FSIP2: variants seen among roughly 807,000 people sequenced by gnomAD.
FSIP2 encodes fibrous sheath interacting protein 2.
FSIP2 carries 367 observed loss-of-function variants against 510.5 expected under a neutral mutation model. The ratio of observed to expected loss-of-function variants is 0.72; its 90% confidence interval spans 0.66 to 0.78. The LOEUF is 0.78. Ranked by LOEUF, FSIP2 falls within the 30% of genes least tolerant of loss-of-function variation. The pLI, the probability that FSIP2 is intolerant of heterozygous loss-of-function variation, is 0.00. For missense variants in FSIP2, 7,594 were observed against 7,901.7 expected, an observed-to-expected ratio of 0.96 and a Z score of 1.48; for synonymous variants, 2,601 against 2,732.2, an observed-to-expected ratio of 0.95 and a Z score of 1.50.
chr2:185,741,077 C>T (rs1026987151), intron 2 of FSIP2, among the ~76,000 whole-genome samples: 16 of 152,140 alleles, frequency 1.1e-4, no homozygotes, highest in African/African-American at 3.1e-4. Flanking sequence ...TTTGCAAAAA[C>T]GTGCTTGAAA....
intron 20 of FSIP2, among the ~76,000 whole-genome samples, chr2:185,827,383 G>A (rs1694032435): frequency 6.6e-6 from 1 of 151,714 alleles, no homozygotes. Context: ...TTGAGAAATA[G>A]CCAAGGAAGA....
At chr2:185,781,196 A>G (rs1378810176) in intron 13 of FSIP2, among the ~76,000 whole-genome samples, 1 of 152,164 alleles carries the variant, frequency 6.6e-6, no homozygotes, top group Non-Finnish European at 1.5e-5. Context: ...AACATTCAAT[A>G]GACACTGTAT....
At position 185,802,801 on chromosome 2, in the gene FSIP2, A is replaced by G. The variant is rs1336073476; in HGVS notation, c.13495A>G (p.Arg4499Gly). Reference sequence around the variant, plus strand: ...CAGAGACACCCAAAAAGATATATCAAGAGTGAATTTCAATGACATTGCTTC... The same window carrying G: ...CAGAGACACCCAAAAAGATATATCAGGAGTGAATTTCAATGACATTGCTTC... ...LNRDTQKDISRVNFNDIASNL... is the reference protein window; with the variant it reads ...LNRDTQKDISGVNFNDIASNL... The change falls in exon 17 of 23, where the codon AGA (arginine) becomes GGA (glycine). Residue 4499 changes from arginine (R) to glycine (G), a missense_variant. Transcript: ENST00000424728. 4.6e-6 allele frequency: 7 copies of G among 1,521,100 alleles called. No individual in the cohort carries two copies. The East Asian group carries it at 7.4e-5, about 16-fold the overall frequency. The allele number at this position is 1,521,100 out of a possible 1,614,324, so 94.2% of individuals were successfully genotyped here.
chr2:185,770,131 G>T (rs1174729145), intron 13 of FSIP2, among the ~76,000 whole-genome samples: 1 of 152,102 alleles, frequency 6.6e-6, no homozygotes, highest in African/African-American at 2.4e-5. Flanking sequence ...AGTTTGATAG[G>T]AATGGCATTG....
chr2:185,782,633 C>A, intron 13 of FSIP2, 72 bp from the exon 14 acceptor site: 2 of 868,086 alleles, frequency 2.3e-6, no homozygotes, highest in Non-Finnish European at 3.7e-6. Context: ...TAAATACCTA[C>A]TGGAGGATTA....
chr2:185,804,383 A>G lies in FSIP2; in HGVS notation c.15077A>G (p.Asn5026Ser). ...RYKEMVQKIV[N>S]SVYGKVLDQY... is the part of the protein sequence containing the mutation. ...AAAGAAATGGTTCAAAAAATAGTCA[A>G]CTCAGTATATGGAAAAGTATTAGAT... The change falls in exon 17 of 23, where the codon AAC (asparagine) becomes AGC (serine). Residue 5026 changes from asparagine to serine, a missense_variant. Physicochemically the swap from Asn to Ser is conservative, Grantham distance 46. Coordinates refer to ENST00000424728, the MANE Select transcript of FSIP2 (RefSeq NM_173651.4). The G allele has an allele frequency of 6.6e-7, 1 of 1,504,736 alleles. No homozygotes were observed. Among genetic ancestry groups the G allele is most frequent in the Non-Finnish European group, 8.8e-7 (1 of 1,132,366 alleles). The allele number at this position is 1,504,736 out of a possible 1,614,324, so 93.2% of individuals were successfully genotyped here.
intron 14 of FSIP2, among the ~76,000 whole-genome samples, 184 bp downstream of exon 14, chr2:185,782,946 C>G (rs568671685): frequency 2.0e-5 from 3 of 152,122 alleles, no homozygotes; most frequent in Non-Finnish European, 4.4e-5. Flanking sequence ...AATCATTGTC[C>G]TTTCCTTTCT....
chr2:185,831,041 G>A (rs1195373615), intron 21 of FSIP2, among the ~76,000 whole-genome samples: 1 of 151,844 alleles, frequency 6.6e-6, no homozygotes, highest in African/African-American at 2.4e-5. Flanking sequence ...AGTCTTCTTG[G>A]AGGAACTATG....
chr2:185,793,175 A>C lies in FSIP2; in HGVS notation c.6039A>C (p.Gly2013=), dbSNP rs1693179112. ...AAGTGGCTAGAAGAAATTTACAAGG[A>C]ATCAAACAGGAATTAGATAAAGAAA... ...ALQVARRNLQ[G]IKQELDKERE... Residue 2013 remains glycine (G), a synonymous_variant, in exon 16 of 23, where the codon GGA becomes GGC. Coordinates refer to ENST00000424728, the MANE Select transcript of FSIP2 (RefSeq NM_173651.4). 1.3e-6 allele frequency: 2 copies of C among 1,534,106 alleles called. No homozygotes were observed. The highest frequency in any genetic ancestry group is 1.7e-6 in the Non-Finnish European group (2 of 1,145,532).
intron 2 of FSIP2, among the ~76,000 whole-genome samples, chr2:185,741,411 T>C (rs1691920000): frequency 6.6e-6 from 1 of 152,234 alleles, no homozygotes; most frequent in East Asian, 1.9e-4. Flanking sequence ...AAAGTTACTC[T>C]GGCTCAAATG....
In FSIP2 at chr2:185,807,193, A is replaced by G. The variant is rs1335479946; in HGVS notation, c.17887A>G (p.Asn5963Asp). Reference sequence around the variant, plus strand: ...AAATGAAATTTTCCAACGTCAGGTTAACTTGATATTTTGTGATGAGGTTTC... The same window carrying G: ...AAATGAAATTTTCCAACGTCAGGTTGACTTGATATTTTGTGATGAGGTTTC... Reference protein sequence around the residue: ...VINEIFQRQVNLIFCDEVSVS... With the variant: ...VINEIFQRQVDLIFCDEVSVS... The change falls in exon 17 of 23, where the codon AAC (asparagine) becomes GAC (aspartate). Residue 5963 changes from asparagine to aspartate, a missense_variant. By Grantham distance (23) the Asn-to-Asp change is conservative. Transcript: ENST00000424728. 12 of 1,601,724 alleles carry G rather than the reference A, an allele frequency of 7.5e-6. No homozygotes were observed. Among genetic ancestry groups the G allele is most frequent in the Non-Finnish European group, 7.7e-6 (9 of 1,176,150 alleles).
chr2:185,779,390 C>G (rs1692795397), intron 13 of FSIP2, among the ~76,000 whole-genome samples: 1 of 151,404 alleles, frequency 6.6e-6, no homozygotes, highest in Admixed American at 6.6e-5. Flanking sequence ...TTTATGGATA[C>G]ATAAAATCAG....
Position 185,796,673 on chromosome 2 carries a change from T to A in FSIP2, c.9537T>A (p.Asn3179Lys). The A allele has an allele frequency of 6.5e-7, 1 of 1,535,136 alleles. No homozygotes were observed. Among genetic ancestry groups the A allele is most frequent in the Non-Finnish European group, 8.7e-7 (1 of 1,146,280 alleles). The change falls in exon 16 of 23, where the codon AAT (asparagine) becomes AAA (lysine). Residue 3179 changes from asparagine (N) to lysine (K), a missense_variant. Physicochemically the swap from Asn to Lys is moderately conservative, Grantham distance 94. Coordinates refer to ENST00000424728, the MANE Select transcript of FSIP2 (RefSeq NM_173651.4). ...TAAAGGAAGGTAGTTTGGGGATTAA[T>A]CCTTCACAAGTGAGTAAAACTGGGT... ...SKLKEGSLGINPSQVSKTGFV... is the reference protein window; with the variant it reads ...SKLKEGSLGIKPSQVSKTGFV...
In FSIP2 at chr2:185,802,382, A is replaced by G. The variant is rs1693460329; in HGVS notation, c.13076A>G (p.Glu4359Gly). The change falls in exon 17 of 23, where the codon GAA becomes GGA. Residue 4359 changes from glutamate to glycine, a missense_variant. Physicochemically the swap from Glu to Gly is moderately conservative, Grantham distance 98 (BLOSUM62 -2). Transcript: ENST00000424728. ...AKIHILYDDK[E>G]QAFFSFNTDI... ...ATTCACATTCTCTATGATGACAAAG[A>G]ACAGGCTTTCTTTTCTTTCAATACA... 2 of 1,532,748 alleles carry G rather than the reference A, an allele frequency of 1.3e-6. No individual in the cohort carries two copies. The highest frequency in any genetic ancestry group is 2.4e-5 in the South Asian group (2 of 83,816). 94.9% of individuals were successfully genotyped at this position (1,532,748 alleles called of 1,614,324 possible).
rs1169417066 is a variant in FSIP2 at position 185,813,663 on chromosome 2, A to C, written c.19946A>C (p.Asp6649Ala). The change falls in exon 18 of 23, where the codon GAT (aspartate) becomes GCT (alanine). Residue 6649 changes from aspartate (D) to alanine (A), a missense_variant. Coordinates refer to ENST00000424728, the MANE Select transcript of FSIP2 (RefSeq NM_173651.4). ...GTTCGATTAGTAGCTCATGATATTGATCAAGTGTATTTGGAAAATTACATA... is the reference window on the plus strand; with the variant it reads ...GTTCGATTAGTAGCTCATGATATTGCTCAAGTGTATTTGGAAAATTACATA... The part of the protein sequence containing the change: ...LIVRLVAHDI[D>A]QVYLENYIKE... The C allele has an allele frequency of 8.1e-6, 13 of 1,608,436 alleles. No homozygotes were observed. The highest frequency in any genetic ancestry group is 1.1e-5 in the Non-Finnish European group (13 of 1,176,864).
At chr2:185,765,694 G>T (rs1692458581) in intron 13 of FSIP2, 1 of 151,864 alleles carries the variant, frequency 6.6e-6, no homozygotes, top group Non-Finnish European at 1.5e-5. Flanking sequence ...GTCATCGGTA[G>T]CTTGATGGGG....
Position 185,794,342 on chromosome 2 carries a change from T to TA in FSIP2, c.7210dup (p.Arg2404LysfsTer9). The stretch of plus-strand genomic sequence containing the variant: ...ACAGTATGTTAAAGATGTTAGATGA[T>TA]AAAAGATCTGTAAAGGAAATTTGTT... On this transcript the variant is annotated frameshift_variant, in exon 16 of 23. Coordinates refer to ENST00000424728, the MANE Select transcript of FSIP2 (RefSeq NM_173651.4). LOFTEE classifies it high-confidence loss of function. 1 of 1,516,870 alleles carries TA rather than the reference T, an allele frequency of 6.6e-7. No homozygotes were observed. Among genetic ancestry groups the TA allele is most frequent in the Non-Finnish European group, 8.8e-7 (1 of 1,139,362 alleles). The allele number at this position is 1,516,870 out of a possible 1,614,324, so 94.0% of individuals were successfully genotyped here. A position where few individuals can be genotyped will look rare whatever the true frequency, so the allele number is the denominator to read the frequency against.
At position 185,792,357 on chromosome 2, in the gene FSIP2, A is replaced by C. The variant is rs1156458479; in HGVS notation, c.5221A>C (p.Arg1741=). The change falls in exon 16 of 23, where the codon AGA becomes CGA. Residue 1741 remains arginine, a synonymous_variant. Transcript: ENST00000424728. ...AYTAKKIIDE[R]SPQREEVKTR... is the part of the protein sequence containing the mutation. ...TACAGCGAAAAAAATTATTGATGAGAGATCCCCACAAAGAGAAGAAGTGAA... is the reference window on the plus strand; with the variant it reads ...TACAGCGAAAAAAATTATTGATGAGCGATCCCCACAAAGAGAAGAAGTGAA... The C allele has an allele frequency of 1.2e-5, 18 of 1,529,794 alleles. 1 individual carries two copies. Among genetic ancestry groups the C allele is most frequent in the Middle Eastern group, 1.7e-4 (1 of 5,952 alleles). 94.8% of individuals were successfully genotyped at this position (1,529,794 alleles called of 1,614,324 possible).
Position 185,806,224 on chromosome 2 carries a change from ACT to A in FSIP2, c.16919_16920del (p.Thr5640AsnfsTer15), listed in dbSNP as rs1180722916. 1 of 1,608,970 alleles carries A rather than the reference ACT, an allele frequency of 6.2e-7. No homozygotes were observed. Among genetic ancestry groups the A allele is most frequent in the Admixed American group, 1.7e-5 (1 of 59,276 alleles). ...CTTGAAGTCCAAGAGAAATCTAGGG[ACT>A]ACAACAGATACTTTGGAAATAAGAA... is the stretch of plus-strand genomic sequence containing the variant. ...SSLKSKRNLG[T>X]TTDTLEIRIR... On this transcript the variant is annotated frameshift_variant, in exon 17 of 23. Transcript: ENST00000424728. LOFTEE classifies it high-confidence loss of function.
Sources: gnomAD v4.1 joint callset for allele counts (sites outside exome capture counted in the v4.1 genomes callset) on GRCh38, gnomAD v4.1.1 for gene constraint, MANE v1.5 for transcripts, NCBI Gene and HGNC (gene_info 2026-07-23, HGNC 2026-07-21) for gene names.